Variants in SYNRG observed in about 807,000 individuals in gnomAD.
SYNRG encodes synergin gamma.
SYNRG carries 37 observed loss-of-function variants against 130.9 expected under a neutral mutation model. The observed-to-expected ratio is 0.28, with a 90% CI of 0.22 to 0.37. The LOEUF (loss-of-function observed/expected upper bound fraction) is 0.37. Ranked by LOEUF, SYNRG falls within the 10% of genes least tolerant of loss-of-function variation. SYNRG has a pLI of 1.00. For synonymous variants in SYNRG, 539 were observed against 568.1 expected (o/e 0.95, Z 0.73); for missense variants, 1,338 against 1,588.9 (o/e 0.84, Z 2.68).
chr17:37,588,554 C>T (rs1245606726), intron 3 of SYNRG, among the ~76,000 whole-genome samples: 6 of 152,192 alleles, frequency 3.9e-5, no homozygotes, highest in Non-Finnish European at 5.9e-5. Flanking sequence ...TGAGCCACCA[C>T]GCCCAGCCAG....
At chr17:37,555,107 A>G (rs2059011042) in intron 13 of SYNRG, among the ~76,000 whole-genome samples, 1 of 151,980 alleles carries the variant, frequency 6.6e-6, no homozygotes, top group African/African-American at 2.4e-5. Context: ...CAGTTAAGAC[A>G]TTGATAAAAA....
chr17:37,585,254 C>T, intron 5 of SYNRG, 71 bp downstream of exon 5: 1 of 1,271,972 alleles, frequency 7.9e-7, no homozygotes, highest in Middle Eastern at 1.9e-4. Context: ...TGACGAAATC[C>T]ACTCAATGAG....
chr17:37,582,759 G>C (rs2061427405), intron 6 of SYNRG, among the ~76,000 whole-genome samples: 1 of 152,068 alleles, frequency 6.6e-6, no homozygotes, highest in African/African-American at 2.4e-5. Flanking sequence ...TACTCACGAG[G>C]TTGAAGTGGT....
chr17:37,607,121 C>A (rs997013187), intron 1 of SYNRG, among the ~76,000 whole-genome samples: 2 of 152,084 alleles, frequency 1.3e-5, no homozygotes, highest in Non-Finnish European at 2.9e-5. Flanking sequence ...AGGTAAGAAT[C>A]ATTTTAACCA....
Position 37,550,618 on chromosome 17 carries a change from AG to A in SYNRG, c.2608+2496del, listed in dbSNP as rs1400824790. Among the ~76,000 whole-genome samples, 3 of 152,334 alleles carry A rather than the reference AG, an allele frequency of 2.0e-5. No individual in the cohort carries two copies. The East Asian group carries it at 5.8e-4, about 29-fold the overall frequency. On this transcript the variant is annotated intron_variant, in intron 14 of 21. Coordinates refer to ENST00000612223, the MANE Select transcript of SYNRG (RefSeq NM_007247.6). Reference sequence around the variant, plus strand: ...TAAGCATGCAGATCAGTATTTGCAGAGGAATATACTAAAGTAAATTTGAAGG... The same window carrying A: ...TAAGCATGCAGATCAGTATTTGCAGAGAATATACTAAAGTAAATTTGAAGG...
intron 11 of SYNRG, among the ~76,000 whole-genome samples, chr17:37,565,121 G>T (rs889278485): frequency 6.6e-6 from 1 of 152,140 alleles, no homozygotes; most frequent in African/African-American, 2.4e-5. Context: ...AAAATTAGCT[G>T]GGTGTAGTGG....
intron 10 of SYNRG, 53 bp downstream of exon 10, chr17:37,570,584 G>T: frequency 6.4e-7 from 1 of 1,557,978 alleles, no homozygotes. Flanking sequence ...AAAAAATGGT[G>T]CCCAGATTCA....
At chr17:37,524,717 C>A (rs2055612136) in intron 19 of SYNRG, among the ~76,000 whole-genome samples, 1 of 152,220 alleles carries the variant, frequency 6.6e-6, no homozygotes, top group South Asian at 2.1e-4. Context: ...CACCTCTCTC[C>A]CATTTCTATA....
At chr17:37,601,360 C>T (rs1380059277) in intron 1 of SYNRG, among the ~76,000 whole-genome samples, 2 of 152,144 alleles carry the variant, frequency 1.3e-5, no homozygotes, top group Non-Finnish European at 2.9e-5. Flanking sequence ...TGAGCCACCG[C>T]ACCTGGTCAA....
intron 6 of SYNRG, among the ~76,000 whole-genome samples, chr17:37,578,019 G>A (rs973256674): frequency 3.3e-5 from 5 of 151,558 alleles, no homozygotes; most frequent in Non-Finnish European, 5.9e-5. Flanking sequence ...ATTCTAAAGG[G>A]AGGCCCTGCC....
Position 37,571,815 on chromosome 17 carries a change from A to T in SYNRG, c.1074T>A (p.Val358=). The T allele has an allele frequency of 6.2e-7, 1 of 1,613,926 alleles. No individual in the cohort carries two copies. The highest frequency in any genetic ancestry group is 8.5e-7 in the Non-Finnish European group (1 of 1,179,974). Residue 358 remains valine (V), a synonymous_variant, in exon 9 of 22, where the codon GTT becomes GTA. Coordinates refer to ENST00000612223, the MANE Select transcript of SYNRG (RefSeq NM_007247.6). ...GKLTKEELYT[V]LAMIAVTQRG... The stretch of plus-strand genomic sequence containing the variant: ...CCTGTGTTACCGCTATCATGGCTAG[A>T]ACGGTATAAAGTTCTTCTTTTGTAA...
At chr17:37,573,838 G>A (rs562427439) in intron 8 of SYNRG, among the ~76,000 whole-genome samples, 72 of 152,308 alleles carry the variant, frequency 4.7e-4, no homozygotes, top group African/African-American at 1.6e-3. Flanking sequence ...GGGTAGTACA[G>A]ATTCAATGCA....
At chr17:37,546,805 T>C (rs1046677305) in intron 14 of SYNRG, among the ~76,000 whole-genome samples, 34 of 152,358 alleles carry the variant, frequency 2.2e-4, no homozygotes, top group East Asian at 7.7e-4. Flanking sequence ...AAAATGTTCA[T>C]TGGACTAAGA....
At position 37,516,044 on chromosome 17, in the gene SYNRG, T is replaced by C. The variant is rs572260594; in HGVS notation, c.*2896A>G. ...TCCAGTACCTCTTCTATCTCAAGCA[T>C]GTCCAGACAAAAATTAAATTACACA... On this transcript the variant is annotated 3_prime_UTR_variant, in exon 22 of 22. Transcript: ENST00000612223. 1 of 152,286 alleles carries C rather than the reference T, an allele frequency of 6.6e-6. No homozygotes were observed. The highest frequency in any genetic ancestry group is 2.4e-5 in the African/African-American group (1 of 41,564). The allele number at this position is 152,286 out of a possible 1,614,324, so 9.4% of individuals were successfully genotyped here. A position where few individuals can be genotyped will look rare whatever the true frequency, so the allele number is the denominator to read the frequency against.
chr17:37,519,735 G>T (rs1370597331), intron 21 of SYNRG, among the ~76,000 whole-genome samples: 1 of 152,196 alleles, frequency 6.6e-6, no homozygotes. Flanking sequence ...GTCAGCCATG[G>T]AAAAGTAGAG....
chr17:37,553,691 C>G lies in SYNRG; in HGVS notation c.2032G>C (p.Glu678Gln). Residue 678 changes from glutamate (E) to glutamine (Q), a missense_variant, in exon 14 of 22, where the codon GAA becomes CAA. Transcript: ENST00000612223. ...DDFGEFSLFG[E>Q]YSGLAPVGEQ... Reference sequence around the variant, plus strand: ...CCAACAGGTGCTAGACCAGAATATTCCCCAAAAAGGCTGAATTCTCCAAAA... The same window carrying G: ...CCAACAGGTGCTAGACCAGAATATTGCCCAAAAAGGCTGAATTCTCCAAAA... The G allele has an allele frequency of 6.2e-7, 1 of 1,613,620 alleles. No individual in the cohort carries two copies. The highest frequency in any genetic ancestry group is 8.5e-7 in the Non-Finnish European group (1 of 1,179,926).
Position 37,550,994 on chromosome 17 carries a change from T to TG in SYNRG, c.2608+2120_2608+2121insC, listed in dbSNP as rs1429301055. Among the ~76,000 whole-genome samples the TG allele has an allele frequency of 2.6e-5, 4 of 152,320 alleles. No homozygotes were observed. The South Asian group carries it at 8.3e-4, about 32-fold the overall frequency. ...TACGCAGAGAAATCAGGCAATGTTA[T>TG]CAGTATTATCTACCTTCCATACAAA... On this transcript the variant is annotated intron_variant, in intron 14 of 21. Coordinates refer to ENST00000612223, the MANE Select transcript of SYNRG (RefSeq NM_007247.6).
intron 6 of SYNRG, among the ~76,000 whole-genome samples, chr17:37,581,895 G>C (rs1436064424): frequency 6.6e-6 from 1 of 151,942 alleles, no homozygotes; most frequent in South Asian, 2.1e-4. Flanking sequence ...CTCCTGAATG[G>C]CTGGGATTAC....
intron 14 of SYNRG, among the ~76,000 whole-genome samples, chr17:37,545,407 C>G (rs957939311): frequency 3.3e-5 from 5 of 151,916 alleles, no homozygotes; most frequent in Non-Finnish European, 5.9e-5. Context: ...AAAAAGGAGA[C>G]AATTTTCCTA....
Sources: gnomAD v4.1 joint callset for allele counts (sites outside exome capture counted in the v4.1 genomes callset) on GRCh38, gnomAD v4.1.1 for gene constraint, MANE v1.5 for transcripts, NCBI Gene and HGNC (gene_info 2026-07-23, HGNC 2026-07-21) for gene names.